DPP10: variants seen among roughly 807,000 people sequenced by gnomAD.
DPP10 encodes dipeptidyl peptidase like 10, also known as inactive dipeptidyl peptidase 10.
DPP10 carries 33 observed loss-of-function variants against 120.9 expected under a neutral mutation model. That is an observed-to-expected ratio of 0.27 (90% confidence interval 0.21 to 0.37). The LOEUF is 0.37. Ranked by LOEUF, DPP10 falls within the 10% of genes least tolerant of loss-of-function variation. DPP10 has a pLI of 1.00. For synonymous variants in DPP10, 337 were observed against 326.1 expected (o/e 1.03, Z -0.36); for missense variants, 816 against 942.8 (o/e 0.87, Z 1.76).
intron 1 of DPP10, among the ~76,000 whole-genome samples, chr2:115,198,312 A>C (rs925362752): frequency 6.6e-6 from 1 of 151,974 alleles, no homozygotes; most frequent in Non-Finnish European, 1.5e-5. Flanking sequence ...CATCTCAAAC[A>C]CCCTCTTACT....
At chr2:114,591,206 C>A (rs1283141353) in intron 1 of DPP10, among the ~76,000 whole-genome samples, 1 of 152,176 alleles carries the variant, frequency 6.6e-6, no homozygotes, top group African/African-American at 2.4e-5. Flanking sequence ...TGACAATGAA[C>A]CTTCTAGGTC....
intron 5 of DPP10, among the ~76,000 whole-genome samples, chr2:115,605,361 C>T (rs1312868658): frequency 6.6e-6 from 1 of 152,034 alleles, no homozygotes; most frequent in East Asian, 1.9e-4. Context: ...ATTTTAAACT[C>T]TTATCACCCC....
At chr2:115,223,334 C>T (rs2057270292) in intron 1 of DPP10, among the ~76,000 whole-genome samples, 1 of 151,994 alleles carries the variant, frequency 6.6e-6, no homozygotes, top group Non-Finnish European at 1.5e-5. Flanking sequence ...ATTTTTCTGC[C>T]AATGAAAGAG....
chr2:114,737,843 G>A (rs1043818273), intron 1 of DPP10, among the ~76,000 whole-genome samples: 4 of 152,302 alleles, frequency 2.6e-5, no homozygotes, highest in East Asian at 1.9e-4. Context: ...AAGCTTTTAC[G>A]AGAATGGAAT....
intron 1 of DPP10, among the ~76,000 whole-genome samples, chr2:114,960,742 G>T (rs115158050): frequency 6.6e-6 from 1 of 152,052 alleles, no homozygotes; most frequent in South Asian, 2.1e-4. Flanking sequence ...CTATTCAGTC[G>T]CTGGACATTC....
At chr2:114,879,316 A>G (rs1445613047) in intron 1 of DPP10, among the ~76,000 whole-genome samples, 1 of 151,942 alleles carries the variant, frequency 6.6e-6, no homozygotes, top group African/African-American at 2.4e-5. Flanking sequence ...TTATTTCACT[A>G]GTTTTCTCCT....
chr2:114,513,272 C>T (rs976315926), intron 1 of DPP10, among the ~76,000 whole-genome samples: 3 of 152,118 alleles, frequency 2.0e-5, no homozygotes, highest in Admixed American at 6.5e-5. Flanking sequence ...CCTGTAATCC[C>T]AGCACTTTGG....
intron 1 of DPP10, among the ~76,000 whole-genome samples, chr2:114,993,463 C>G (rs1197189869): frequency 1.3e-5 from 2 of 150,816 alleles, no homozygotes; most frequent in Non-Finnish European, 3.0e-5. Context: ...TTTACAAAAC[C>G]TTATAGAACC....
At chr2:115,308,014 C>T (rs767560585) in intron 1 of DPP10, among the ~76,000 whole-genome samples, 2 of 151,990 alleles carry the variant, frequency 1.3e-5, no homozygotes, top group Admixed American at 6.6e-5. Context: ...TAACTTAGAG[C>T]GATTTATCTG....
intron 1 of DPP10, among the ~76,000 whole-genome samples, chr2:115,200,605 C>G (rs1417749375): frequency 6.6e-6 from 1 of 152,164 alleles, no homozygotes; most frequent in South Asian, 2.1e-4. Context: ...GAGAAGGTTA[C>G]AGAATACCTG....
At chr2:115,507,871 A>G (rs2077028819) in intron 4 of DPP10, among the ~76,000 whole-genome samples, 1 of 152,142 alleles carries the variant, frequency 6.6e-6, no homozygotes, top group African/African-American at 2.4e-5. Flanking sequence ...CAGGGTGTGA[A>G]CTATGTACAG....
intron 3 of DPP10, among the ~76,000 whole-genome samples, chr2:115,380,565 A>G (rs1473499553): frequency 2.0e-5 from 3 of 151,382 alleles, no homozygotes; most frequent in Admixed American, 2.0e-4. Flanking sequence ...TAAAGTTAAT[A>G]TTGTTATGTG....
intron 1 of DPP10, among the ~76,000 whole-genome samples, chr2:114,704,469 C>G (rs1463891717): frequency 2.0e-5 from 3 of 152,150 alleles, no homozygotes; most frequent in African/African-American, 7.2e-5. Flanking sequence ...TATGTTTTGA[C>G]ATATTTGATT....
chr2:115,233,914 A>G, intron 1 of DPP10: 1 of 517,556 alleles, frequency 1.9e-6, no homozygotes, highest in Non-Finnish European at 3.9e-6. Context: ...TCTTCTGCCC[A>G]GTAGTATCAG....
chr2:114,621,785 T>C (rs1251141995), intron 1 of DPP10, among the ~76,000 whole-genome samples: 1 of 151,610 alleles, frequency 6.6e-6, no homozygotes, highest in Non-Finnish European at 1.5e-5. Flanking sequence ...TAGTTAACCA[T>C]TCCAATATTT....
intron 1 of DPP10, among the ~76,000 whole-genome samples, chr2:114,932,158 T>A (rs2104506891): frequency 6.6e-6 from 1 of 152,354 alleles, no homozygotes; most frequent in South Asian, 2.1e-4. Context: ...CCTACTGAAT[T>A]AGAAACTATG....
At chr2:115,805,922 C>G (rs1008626458) in intron 19 of DPP10, among the ~76,000 whole-genome samples, 1 of 152,112 alleles carries the variant, frequency 6.6e-6, no homozygotes, top group Non-Finnish European at 1.5e-5. Context: ...ATTATGATTA[C>G]AACAGGGCAG....
At chr2:114,880,696 G>A (rs1169675241) in intron 1 of DPP10, among the ~76,000 whole-genome samples, 1 of 152,062 alleles carries the variant, frequency 6.6e-6, no homozygotes, top group Admixed American at 6.6e-5. Flanking sequence ...ATAAAATGGT[G>A]AGGAAATATA....
intron 1 of DPP10, among the ~76,000 whole-genome samples, chr2:114,724,010 A>G (rs1701881039): frequency 6.6e-6 from 1 of 152,212 alleles, no homozygotes; most frequent in African/African-American, 2.4e-5. Context: ...TGGCCATGAG[A>G]CACGAGGAAA....
Sources: gnomAD v4.1 joint callset for allele counts (sites outside exome capture counted in the v4.1 genomes callset) on GRCh38, gnomAD v4.1.1 for gene constraint, MANE v1.5 for transcripts, NCBI Gene and HGNC (gene_info 2026-07-23, HGNC 2026-07-21) for gene names.